The following HDAC5 variants were observed in gnomAD, a reference collection of about 807,000 sequenced individuals.
HDAC5 encodes the protein histone deacetylase 5, also known as antigen NY-CO-9.
A neutral mutation model predicts 133.3 loss-of-function variants in HDAC5; 25 were observed. The ratio of observed to expected loss-of-function variants is 0.19; its 90% CI spans 0.14 to 0.26. The LOEUF (loss-of-function observed/expected upper bound fraction) is 0.26, where lower values mean the gene tolerates loss of function less well. Among genes scored for constraint, HDAC5 ranks in the 10% least tolerant of loss-of-function variants. The pLI is 1.00. For synonymous variants in HDAC5, 589 were observed against 610.8 expected, an observed-to-expected ratio of 0.96 and a Z score of 0.53; for missense variants, 1,041 against 1,460.5, an observed-to-expected ratio of 0.71 and a Z score of 4.68.
chr17:44,092,813 T>TGGGGGGGCCCCGGGGGGG lies in HDAC5; in HGVS notation c.642-8_642-7insCCCCCCCGGGGCCCCCCC. The stretch of plus-strand genomic sequence containing the variant: ...AGAAGCATGGTGGGCTCCCCTGGGG[T>TGGGGGGGCCCCGGGGGGG]GGGGGGGGGGTGGGGATGGAAGCAG... On this transcript the variant is annotated splice_region_variant and splice_polypyrimidine_tract_variant and intron_variant, in intron 6 of 26. Transcript: ENST00000682912. The TGGGGGGGCCCCGGGGGGG allele has an allele frequency of 2.0e-5, 8 of 403,422 alleles. No individual in the cohort carries two copies. The highest frequency in any genetic ancestry group is 3.4e-5 in the Non-Finnish European group (8 of 232,458). The allele number at this position is 403,422 out of a possible 1,614,324, so 25.0% of individuals were successfully genotyped here. A position where few individuals can be genotyped will look rare whatever the true frequency, so the allele number is the denominator to read the frequency against.
At chr17:44,097,797 TG>T (rs1221929999) in intron 3 of HDAC5, among the ~76,000 whole-genome samples, 4 of 152,252 alleles carry the variant, frequency 2.6e-5, no homozygotes, top group Non-Finnish European at 5.9e-5. Context: ...TGCCTAGGGC[TG>T]GAACTGTCGC....
chr17:44,082,300 C>T (rs985221329), intron 20 of HDAC5: 15 of 479,552 alleles, frequency 3.1e-5, no homozygotes, highest in African/African-American at 1.9e-4. Flanking sequence ...GCGTCACTAC[C>T]GTTCAAGGTA....
At chr17:44,122,954 G>A (rs1426084281) in intron 1 of HDAC5, among the ~76,000 whole-genome samples, 1 of 152,190 alleles carries the variant, frequency 6.6e-6, no homozygotes, top group Non-Finnish European at 1.5e-5. Flanking sequence ...GAGAATAATG[G>A]GAGAGAGAAG....
At position 44,092,813 on chromosome 17, in the gene HDAC5, T is replaced by TGGGGGGGGGGGGCCCGGGGGG; in HGVS notation, c.642-8_642-7insCCCCCCGGGCCCCCCCCCCCC. 5.0e-6 allele frequency: 2 copies of TGGGGGGGGGGGGCCCGGGGGG among 403,440 alleles called. No homozygotes were observed. The highest frequency in any genetic ancestry group is 4.1e-5 in the East Asian group (1 of 24,142). 25.0% of individuals were successfully genotyped at this position (403,440 alleles called of 1,614,324 possible). On this transcript the variant is annotated splice_region_variant and splice_polypyrimidine_tract_variant and intron_variant, in intron 6 of 26. Coordinates refer to ENST00000682912, the MANE Select transcript of HDAC5 (RefSeq NM_005474.5). ...AGAAGCATGGTGGGCTCCCCTGGGG[T>TGGGGGGGGGGGGCCCGGGGGG]GGGGGGGGGGTGGGGATGGAAGCAG...
rs114764359 is a variant in HDAC5, at chr17:44,121,037, T to G, written c.-190+2467A>C. ...CATTTTTGCAATCGGCCCATTTCTG[T>G]TTGTCTGCTCAGACGCAGCTCCAGG... On this transcript the variant is annotated intron_variant, in intron 1 of 26. Coordinates refer to ENST00000682912, the MANE Select transcript of HDAC5 (RefSeq NM_005474.5). 5.4e-3 allele frequency among the ~76,000 whole-genome samples: 799 copies of G among 149,110 alleles called. 9 individuals carry two copies. The highest frequency in any genetic ancestry group is 0.018 in the African/African-American group (747 of 40,640).
At chr17:44,121,054 A>G (rs2052962282) in intron 1 of HDAC5, among the ~76,000 whole-genome samples, 2 of 145,858 alleles carry the variant, frequency 1.4e-5, no homozygotes, top group African/African-American at 5.0e-5. Context: ...GCTCAGACGC[A>G]GCTCCAGGCA....
intron 3 of HDAC5, among the ~76,000 whole-genome samples, chr17:44,106,733 G>C (rs1438277346): frequency 6.6e-6 from 1 of 151,968 alleles, no homozygotes; most frequent in Non-Finnish European, 1.5e-5. Flanking sequence ...TAGGATTACA[G>C]GCATGCACCA....
intron 18 of HDAC5, among the ~76,000 whole-genome samples, chr17:44,083,128 G>A (rs1433390298): frequency 2.0e-5 from 3 of 151,982 alleles, no homozygotes; most frequent in South Asian, 2.1e-4. Flanking sequence ...ACAAGCACAC[G>A]CCACCACACC....
intron 3 of HDAC5, among the ~76,000 whole-genome samples, chr17:44,109,673 TG>T (rs1403053020): frequency 1.3e-5 from 2 of 152,272 alleles, no homozygotes; most frequent in Non-Finnish European, 2.9e-5. Flanking sequence ...ACCTTATCCC[TG>T]GGCAGCTCAG....
intron 20 of HDAC5, 68 bp downstream of exon 20, chr17:44,082,517 C>T (rs2050443539): frequency 1.6e-6 from 2 of 1,281,902 alleles, no homozygotes; most frequent in Non-Finnish European, 2.3e-6. Flanking sequence ...GGGGAGGAGA[C>T]TTCCTGAAGG....
rs751123714 is a variant in HDAC5, at chr17:44,093,564, C to A, written c.354+11G>T. The A allele has an allele frequency of 1.8e-5, 29 of 1,601,278 alleles. No individual in the cohort carries two copies. In the African/African-American group the frequency reaches 1.9e-4, roughly 10 times the overall value. Reference sequence around the variant, plus strand: ...GAGGTCTGGGCGGCCCCCCGCACCCCCCTCGCTCACCTTGAGGTGCTTCTG... The same window carrying A: ...GAGGTCTGGGCGGCCCCCCGCACCCACCTCGCTCACCTTGAGGTGCTTCTG... On this transcript the variant is annotated intron_variant, in intron 4 of 26. Transcript: ENST00000682912.
rs2051095769 is a variant in HDAC5, at chr17:44,093,837, G to A, written c.95-3C>T. The A allele has an allele frequency of 6.7e-7, 1 of 1,491,594 alleles. No homozygotes were observed. Among genetic ancestry groups the A allele is most frequent in the Non-Finnish European group, 8.9e-7 (1 of 1,119,450 alleles). The allele number at this position is 1,491,594 out of a possible 1,614,324, so 92.4% of individuals were successfully genotyped here. On this transcript the variant is annotated splice_region_variant and splice_polypyrimidine_tract_variant and intron_variant, in intron 3 of 26. Coordinates refer to ENST00000682912, the MANE Select transcript of HDAC5 (RefSeq NM_005474.5). ...TGGCAGCACCGGCTTCACCTCCACT[G>A]TGGGCAGAAGAGACAGGAAGGAGTT...
intron 1 of HDAC5, among the ~76,000 whole-genome samples, chr17:44,119,224 G>A (rs1186163099): frequency 6.6e-6 from 1 of 152,252 alleles, no homozygotes; most frequent in Non-Finnish European, 1.5e-5. Flanking sequence ...CAGGGCCCAC[G>A]TGGGCAGGCA....
chr17:44,117,804 G>T lies in HDAC5; in HGVS notation c.-189-100C>A. ...CAGTTTGTACCTGGGGATGAGGGAT[G>T]AGAGGGAGGGATACCTGCCCACAGC... On this transcript the variant is annotated intron_variant, in intron 1 of 26. Coordinates refer to ENST00000682912, the MANE Select transcript of HDAC5 (RefSeq NM_005474.5). This position sits in a 1 kb window ranked among gnomAD's most constrained non-coding sequence, Gnocchi z 4.2. 1 of 570,540 alleles carries T rather than the reference G, an allele frequency of 1.8e-6. No individual in the cohort carries two copies. The highest frequency in any genetic ancestry group is 2.2e-5 in the South Asian group (1 of 44,784). 35.3% of individuals were successfully genotyped at this position (570,540 alleles called of 1,614,324 possible).
chr17:44,087,556 C>A lies in HDAC5; in HGVS notation c.1740G>T (p.Glu580Asp), dbSNP rs745586916. The A allele has an allele frequency of 6.2e-7, 1 of 1,614,128 alleles. No homozygotes were observed. Among genetic ancestry groups the A allele is most frequent in the Non-Finnish European group, 8.5e-7 (1 of 1,179,992 alleles). Residue 580 changes from glutamate to aspartate, a missense_variant, in exon 13 of 27, where the codon GAG (glutamate) becomes GAT (aspartate). Physicochemically the swap from Glu to Asp is conservative, Grantham distance 45. Around this residue, in one of 9 missense-constraint regions of HDAC5, gnomAD observed 433 missense variants for 531.6 expected, o/e 0.81. Coordinates refer to ENST00000682912, the MANE Select transcript of HDAC5 (RefSeq NM_005474.5). ...CCTCCTCCAGGTCTTCCTGTGTGCTCTCACTCTCTGTGGAGCCCTCCCGGG... is the reference window on the plus strand; with the variant it reads ...CCTCCTCCAGGTCTTCCTGTGTGCTATCACTCTCTGTGGAGCCCTCCCGGG... ...TMPREGSTES[E>D]STQEDLEEED...
intron 3 of HDAC5, among the ~76,000 whole-genome samples, chr17:44,102,797 GCTGGGACTACAGGCACA>G (rs2051700577): frequency 6.6e-6 from 1 of 151,832 alleles, no homozygotes; most frequent in Non-Finnish European, 1.5e-5. Context: ...CTCCCAAGTA[GCTGGGACTACAGGCACA>G]TGCCACCACA....
intron 1 of HDAC5, among the ~76,000 whole-genome samples, chr17:44,122,905 G>A (rs2053099227): frequency 6.6e-6 from 1 of 152,228 alleles, no homozygotes; most frequent in African/African-American, 2.4e-5. Flanking sequence ...GGAGAAGAGG[G>A]TGGCAACAAA....
At chr17:44,121,928 A>G (rs1355304037) in intron 1 of HDAC5, among the ~76,000 whole-genome samples, 2 of 152,152 alleles carry the variant, frequency 1.3e-5, no homozygotes, top group African/African-American at 4.8e-5. Context: ...GAGTGGAGAT[A>G]CTGGGGGCCC....
intron 3 of HDAC5, among the ~76,000 whole-genome samples, chr17:44,106,083 C>T (rs1373790724): frequency 6.6e-6 from 1 of 152,200 alleles, no homozygotes; most frequent in East Asian, 1.9e-4. Flanking sequence ...TGCCTCCTGC[C>T]AACCTGACAG....
Sources: allele counts gnomAD v4.1 joint callset (sites outside exome capture counted in the v4.1 genomes callset), GRCh38; gene constraint gnomAD v4.1.1; regional missense constraint gnomAD v4.1.1; non-coding constraint Gnocchi (gnomAD v3.1); transcripts MANE v1.5; gene names NCBI Gene and HGNC (gene_info 2026-07-23, HGNC 2026-07-21).